ST8SIA6: variants seen among roughly 807,000 people sequenced by gnomAD.
ST8SIA6 encodes ST8 alpha-N-acetyl-neuraminide alpha-2,8-sialyltransferase 6.
ST8SIA6 carries 39 observed loss-of-function variants against 33.6 expected under a neutral mutation model. The ratio of observed to expected loss-of-function variants is 1.16; its 90% CI spans 0.90 to 1.52. The LOEUF is 1.52. ST8SIA6 is among the 40% of genes most tolerant of loss of function. ST8SIA6 has a pLI of 0.00. For missense variants in ST8SIA6, 441 were observed against 443.8 expected (o/e 0.99, Z 0.06); for synonymous variants, 172 against 167.2 (o/e 1.03, Z -0.22).
chr10:17,425,097 T>C (rs1274597707), intron 2 of ST8SIA6, among the ~76,000 whole-genome samples: 3 of 152,150 alleles, frequency 2.0e-5, no homozygotes, highest in African/African-American at 2.4e-5. Flanking sequence ...GGACTCAACA[T>C]TGGAATAATA....
At chr10:17,335,399 A>C (rs1848468187) in intron 4 of ST8SIA6, among the ~76,000 whole-genome samples, 1 of 152,220 alleles carries the variant, frequency 6.6e-6, no homozygotes. Flanking sequence ...TTTTGCAAAA[A>C]TACAACGATC....
chr10:17,340,227 A>T (rs1848628696), intron 4 of ST8SIA6, among the ~76,000 whole-genome samples: 1 of 151,858 alleles, frequency 6.6e-6, no homozygotes, highest in African/African-American at 2.4e-5. Context: ...CAACCTTCCC[A>T]CCAGTTCTCA....
At chr10:17,361,195 A>C (rs2131619754) in intron 3 of ST8SIA6, among the ~76,000 whole-genome samples, 1 of 152,202 alleles carries the variant, frequency 6.6e-6, no homozygotes, top group East Asian at 1.9e-4. Context: ...AATTGATAAA[A>C]TCTTTAAAAT....
chr10:17,443,496 A>T (rs1852579680), intron 2 of ST8SIA6, among the ~76,000 whole-genome samples: 1 of 152,184 alleles, frequency 6.6e-6, no homozygotes, highest in Admixed American at 6.5e-5. Context: ...AACAACAATA[A>T]CTAGCAAGAT....
intron 4 of ST8SIA6, among the ~76,000 whole-genome samples, chr10:17,356,166 A>G (rs1186325642): frequency 2.6e-5 from 4 of 152,058 alleles, no homozygotes; most frequent in African/African-American, 9.7e-5. Flanking sequence ...ACTTTCATGC[A>G]TCCATTTCTT....
chr10:17,426,079 C>A (rs1391164361), intron 2 of ST8SIA6, among the ~76,000 whole-genome samples: 1 of 152,114 alleles, frequency 6.6e-6, no homozygotes, highest in Non-Finnish European at 1.5e-5. Flanking sequence ...ACAGTCACAT[C>A]CTCCCACAGG....
intron 1 of ST8SIA6, 140 bp from the exon 2 acceptor site, chr10:17,453,797 G>C (rs1853012491): frequency 1.7e-6 from 1 of 578,006 alleles, no homozygotes; most frequent in East Asian, 3.5e-5. Context: ...CCCAGAGTTG[G>C]AAGAGCCTTA....
At chr10:17,364,653 A>T (rs192094105) in intron 3 of ST8SIA6, among the ~76,000 whole-genome samples, 8 of 152,306 alleles carry the variant, frequency 5.3e-5, no homozygotes, top group African/African-American at 1.9e-4. Flanking sequence ...TTGCCACAGG[A>T]TCATCACAAT....
intron 2 of ST8SIA6, among the ~76,000 whole-genome samples, chr10:17,424,856 C>T (rs937437121): frequency 6.6e-6 from 1 of 151,858 alleles, no homozygotes; most frequent in African/African-American, 2.4e-5. Flanking sequence ...GCCTCAGCCT[C>T]CTGAGTAGCT....
chr10:17,340,115 C>A (rs1848624851), intron 4 of ST8SIA6, among the ~76,000 whole-genome samples: 1 of 152,238 alleles, frequency 6.6e-6, no homozygotes, highest in Admixed American at 6.5e-5. Flanking sequence ...TTCTAAGTTT[C>A]TCTTGAAAGA....
At chr10:17,393,021 T>TG (rs1850673182) in intron 2 of ST8SIA6, among the ~76,000 whole-genome samples, 1 of 152,184 alleles carries the variant, frequency 6.6e-6, no homozygotes, top group African/African-American at 2.4e-5. Context: ...CTCACCAGTG[T>TG]GGGTGGGCAG....
chr10:17,419,329 C>T lies in ST8SIA6; in HGVS notation c.201-28709G>A, dbSNP rs569637303. ...GGAAGATTGCTTGAGCTCAGGAGTTCGAGACCAGCCTGGGCAACATGGTGA... is the reference window on the plus strand; with the variant it reads ...GGAAGATTGCTTGAGCTCAGGAGTTTGAGACCAGCCTGGGCAACATGGTGA... On this transcript the variant is annotated intron_variant, in intron 2 of 7. Transcript: ENST00000377602. Among the ~76,000 whole-genome samples the T allele has an allele frequency of 1.3e-3, 191 of 151,982 alleles. 1 individual carries two copies. The highest frequency in any genetic ancestry group is 3.5e-3 in the African/African-American group (146 of 41,440).
At chr10:17,346,724 C>A (rs1848849149) in intron 4 of ST8SIA6, among the ~76,000 whole-genome samples, 1 of 152,172 alleles carries the variant, frequency 6.6e-6, no homozygotes, top group Admixed American at 6.5e-5. Flanking sequence ...CAATAGATAA[C>A]CAACATGCCA....
intron 3 of ST8SIA6, among the ~76,000 whole-genome samples, chr10:17,381,647 A>G (rs2068287808): frequency 6.6e-6 from 1 of 152,234 alleles, no homozygotes; most frequent in African/African-American, 2.4e-5. Flanking sequence ...GCATTTATTA[A>G]TCAAGCAGTT....
At chr10:17,361,030 A>G (rs1044143185) in intron 3 of ST8SIA6, among the ~76,000 whole-genome samples, 10 of 152,104 alleles carry the variant, frequency 6.6e-5, no homozygotes, top group Non-Finnish European at 1.2e-4. Context: ...TACATGAAGC[A>G]TATTTTGTAT....
chr10:17,339,833 A>G (rs359309), intron 4 of ST8SIA6, among the ~76,000 whole-genome samples: 80,580 of 152,124 alleles, frequency 0.53, 21,721 homozygotes, highest in African/African-American at 0.63. Flanking sequence ...AGAAGGTCAC[A>G]TATGACACGT....
At chr10:17,357,659 C>G (rs1171174853) in intron 4 of ST8SIA6, among the ~76,000 whole-genome samples, 1 of 152,156 alleles carries the variant, frequency 6.6e-6, no homozygotes, top group African/African-American at 2.4e-5. Context: ...TCCCTGCCTT[C>G]GTGGCAGGGA....
intron 3 of ST8SIA6, among the ~76,000 whole-genome samples, chr10:17,378,510 T>C (rs1162885495): frequency 6.6e-6 from 1 of 152,180 alleles, no homozygotes; most frequent in East Asian, 1.9e-4. Context: ...CTACTTTTCC[T>C]GCATCATTTT....
At chr10:17,324,455 A>C in intron 6 of ST8SIA6, among the ~76,000 whole-genome samples, 1 of 152,096 alleles carries the variant, frequency 6.6e-6, no homozygotes, top group East Asian at 1.9e-4. Flanking sequence ...AGGTGATCTC[A>C]GTAGTGGGCC....
Sources: allele counts gnomAD v4.1 joint callset (sites outside exome capture counted in the v4.1 genomes callset), GRCh38; gene constraint gnomAD v4.1.1; transcripts MANE v1.5; gene names NCBI Gene and HGNC (gene_info 2026-07-23, HGNC 2026-07-21).